DNAJC18: variants seen among roughly 807,000 people sequenced by gnomAD.
DNAJC18 encodes the protein DnaJ heat shock protein family (Hsp40) member C18.
DNAJC18 carries 40 observed loss-of-function variants against 48.6 expected under a neutral mutation model. The observed-to-expected ratio is 0.82, with a 90% CI of 0.64 to 1.07. DNAJC18 has a LOEUF of 1.07. Among genes scored for constraint, DNAJC18 ranks in the 50% least tolerant of loss-of-function variants. The probability of loss-of-function intolerance (pLI) is 0.00; values close to 1 mark genes in which losing one functional copy is unlikely to be tolerated. For synonymous variants in DNAJC18, 135 were observed against 152.2 expected, an observed-to-expected ratio of 0.89 and a Z score of 0.83; for missense variants, 340 against 427.7, an observed-to-expected ratio of 0.79 and a Z score of 1.81.
In DNAJC18 at chr5:139,439,463, A is replaced by T. The variant is rs774512711; in HGVS notation, c.-18T>A. 6 of 1,613,708 alleles carry T rather than the reference A, an allele frequency of 3.7e-6. No homozygotes were observed. The highest frequency in any genetic ancestry group is 4.2e-6 in the Non-Finnish European group (5 of 1,179,942). On this transcript the variant is annotated 5_prime_UTR_variant, in exon 1 of 8. Coordinates refer to ENST00000302060, the MANE Select transcript of DNAJC18 (RefSeq NM_152686.4). This position sits in a 1 kb window ranked among gnomAD's most constrained non-coding sequence, Gnocchi z 4.1. ...GCCGCCATATCGGTTCCCAATCAGCAGGTCCGCCGAGCCTCCCCCGTGCCC... is the reference window on the plus strand; with the variant it reads ...GCCGCCATATCGGTTCCCAATCAGCTGGTCCGCCGAGCCTCCCCCGTGCCC...
chr5:139,421,420 G>A (rs1759150499), intron 6 of DNAJC18, among the ~76,000 whole-genome samples: 1 of 152,252 alleles, frequency 6.6e-6, no homozygotes, highest in Admixed American at 6.5e-5. Flanking sequence ...CTGCACTTCA[G>A]CCTGGGAGCC....
At chr5:139,433,055 G>T (rs1212607094) in intron 2 of DNAJC18, among the ~76,000 whole-genome samples, 4 of 152,138 alleles carry the variant, frequency 2.6e-5, no homozygotes, top group Non-Finnish European at 5.9e-5. Context: ...TGAGGTGAGT[G>T]GAAGCCTTGA....
intron 2 of DNAJC18, among the ~76,000 whole-genome samples, chr5:139,436,231 A>G (rs1435208223): frequency 6.6e-6 from 1 of 151,478 alleles, no homozygotes; most frequent in Non-Finnish European, 1.5e-5. Context: ...GACCACAGGC[A>G]TGTGCCACCA....
intron 2 of DNAJC18, among the ~76,000 whole-genome samples, chr5:139,437,085 T>C (rs1308856565): frequency 1.3e-5 from 2 of 152,208 alleles, no homozygotes; most frequent in East Asian, 3.8e-4. Flanking sequence ...ATTCTATGTA[T>C]CCTTAAGAAG....
In DNAJC18 at chr5:139,425,130, A is replaced by G. The variant is rs1370179153; in HGVS notation, c.560-16T>C. ...TGAATATTTCCTGGAAAAGAAATAC[A>G]TGGTATGGGATATGGCAAACACTCC... On this transcript the variant is annotated splice_polypyrimidine_tract_variant and intron_variant, in intron 4 of 7. Coordinates refer to ENST00000302060, the MANE Select transcript of DNAJC18 (RefSeq NM_152686.4). 2.5e-6 allele frequency: 4 copies of G among 1,594,010 alleles called. No individual in the cohort carries two copies. The African/African-American group carries it at 4.0e-5, about 16-fold the overall frequency.
At position 139,437,507 on chromosome 5, in the gene DNAJC18, T is replaced by C; in HGVS notation, c.92A>G (p.Glu31Gly). The C allele has an allele frequency of 6.2e-7, 1 of 1,614,062 alleles. No homozygotes were observed. ...RNKYPEDTPP[E>G]SHDPCGCCNC... ...ACAGCAGCCACAGGGGTCATGACTC[T>C]CAGGAGGTGTGTCTTCTGGGTATTT... is the stretch of plus-strand genomic sequence containing the variant. Residue 31 changes from glutamate to glycine, a missense_variant, in exon 2 of 8, where the codon GAG becomes GGG. Coordinates refer to ENST00000302060, the MANE Select transcript of DNAJC18 (RefSeq NM_152686.4).
chr5:139,435,715 T>TTTTTTTTG (rs1750632680), intron 2 of DNAJC18, among the ~76,000 whole-genome samples: 1 of 114,524 alleles, frequency 8.7e-6, no homozygotes, highest in Non-Finnish European at 1.8e-5. Context: ...GTTTTTTTTT[T>TTTTTTTTG]TTTTTTTTTT....
At chr5:139,425,979 G>A (rs1759237447) in intron 4 of DNAJC18, among the ~76,000 whole-genome samples, 193 bp downstream of exon 4, 1 of 152,140 alleles carries the variant, frequency 6.6e-6, no homozygotes, top group Non-Finnish European at 1.5e-5. Flanking sequence ...CAGGGTCAGA[G>A]AGACTAAATG....
rs1759034477 is a variant in DNAJC18 at position 139,414,072 on chromosome 5, G to A, written c.*76C>T. On this transcript the variant is annotated 3_prime_UTR_variant, in exon 8 of 8. Transcript: ENST00000302060. Reference sequence around the variant, plus strand: ...AAAGTGTTCATCATTACCTAGTTTTGTATTATAAAATGGAATCAGGAACAT... The same window carrying A: ...AAAGTGTTCATCATTACCTAGTTTTATATTATAAAATGGAATCAGGAACAT... 3 of 1,559,918 alleles carry A rather than the reference G, an allele frequency of 1.9e-6. No homozygotes were observed. Among genetic ancestry groups the A allele is most frequent in the Non-Finnish European group, 2.6e-6 (3 of 1,156,522 alleles).
At chr5:139,426,086 A>G in intron 4 of DNAJC18, 86 bp downstream of exon 4, 1 of 1,384,620 alleles carries the variant, frequency 7.2e-7, no homozygotes, top group Non-Finnish European at 9.9e-7. Flanking sequence ...ATACCATTGT[A>G]CCTCTATTCA....
chr5:139,424,247 TG>T (rs1349976015), intron 5 of DNAJC18, among the ~76,000 whole-genome samples: 1 of 152,140 alleles, frequency 6.6e-6, no homozygotes, highest in Non-Finnish European at 1.5e-5. Context: ...GGAGACAATC[TG>T]GGCCCAAAGA....
intron 5 of DNAJC18, among the ~76,000 whole-genome samples, chr5:139,424,298 C>G (rs934318049): frequency 6.6e-5 from 10 of 152,126 alleles, no homozygotes; most frequent in Non-Finnish European, 1.5e-4. Context: ...TGACAGTATC[C>G]CAGTTCCTTG....
chr5:139,426,206 C>T lies in DNAJC18; in HGVS notation c.525G>A (p.Leu175=), dbSNP rs757026817. 3 of 1,614,052 alleles carry T rather than the reference C, an allele frequency of 1.9e-6. No homozygotes were observed. Among genetic ancestry groups the T allele is most frequent in the African/African-American group, 2.7e-5 (2 of 74,928 alleles). ...AATGTCCTCCAAAGAAGACGTTGAA[C>T]AGCTCTTCTGGAGTGATGTCAGCTT... ...DFEADITPEE[L]FNVFFGGHFP... is the part of the protein sequence containing the mutation. The change falls in exon 4 of 8, where the codon CTG becomes CTA. Residue 175 remains leucine, a synonymous_variant. Transcript: ENST00000302060.
chr5:139,417,421 A>ATGC (rs1472908630), intron 7 of DNAJC18, among the ~76,000 whole-genome samples: 1 of 152,184 alleles, frequency 6.6e-6, no homozygotes, highest in Non-Finnish European at 1.5e-5. Context: ...CGGAGGGCAG[A>ATGC]TGCTGCTTGT....
chr5:139,421,577 G>A (rs927542456), intron 6 of DNAJC18, among the ~76,000 whole-genome samples: 7 of 152,252 alleles, frequency 4.6e-5, no homozygotes, highest in African/African-American at 1.7e-4. Context: ...AGGCCAAGGT[G>A]GGCAGATCAC....
rs1213012718 is a variant in DNAJC18, at chr5:139,411,824, AG to A, written c.*2323del. 6.6e-6 allele frequency: 1 copy of A among 152,214 alleles called. No individual in the cohort carries two copies. Among genetic ancestry groups the A allele is most frequent in the African/African-American group, 2.4e-5 (1 of 41,464 alleles). 9.4% of individuals were successfully genotyped at this position (152,214 alleles called of 1,614,324 possible). On this transcript the variant is annotated 3_prime_UTR_variant, in exon 8 of 8. Coordinates refer to ENST00000302060, the MANE Select transcript of DNAJC18 (RefSeq NM_152686.4). ...GTGACTACCTGATTCCTGGGCATCT[AG>A]GACAGGGTCTTTTAACCTGTCAAGT...
intron 5 of DNAJC18, among the ~76,000 whole-genome samples, chr5:139,423,638 C>T (rs567122678): frequency 3.9e-5 from 6 of 152,054 alleles, no homozygotes; most frequent in African/African-American, 1.4e-4. Context: ...ATTCTCCTGC[C>T]TCAGTTCCCC....
intron 7 of DNAJC18, among the ~76,000 whole-genome samples, chr5:139,415,746 C>G (rs1393200230): frequency 6.6e-6 from 1 of 152,226 alleles, no homozygotes; most frequent in Non-Finnish European, 1.5e-5. Context: ...GCCCAGGAGG[C>G]CTCTGTGAAG....
intron 2 of DNAJC18, among the ~76,000 whole-genome samples, chr5:139,434,325 T>G (rs997095598): frequency 6.6e-6 from 1 of 152,110 alleles, no homozygotes; most frequent in Non-Finnish European, 1.5e-5. Flanking sequence ...AACTATTTAT[T>G]TATTTATTTG....
Sources: allele counts gnomAD v4.1 joint callset (sites outside exome capture counted in the v4.1 genomes callset), GRCh38; gene constraint gnomAD v4.1.1; non-coding constraint Gnocchi (gnomAD v3.1); transcripts MANE v1.5; gene names NCBI Gene and HGNC (gene_info 2026-07-23, HGNC 2026-07-21).